Variants in ABCC1 observed in about 807,000 individuals in gnomAD.
The protein encoded by ABCC1 is multidrug resistance-associated protein 1.
Under a neutral mutation model 172.9 loss-of-function variants are expected in ABCC1, and 83 were observed. That is an observed-to-expected ratio of 0.48 (90% CI 0.40 to 0.58). The LOEUF (loss-of-function observed/expected upper bound fraction) is 0.58. Among genes scored for constraint, ABCC1 ranks in the 20% least tolerant of loss-of-function variants. The pLI, the probability that ABCC1 is intolerant of heterozygous loss-of-function variation, is 0.00. For synonymous variants in ABCC1, 937 were observed against 825.2 expected, an observed-to-expected ratio of 1.14 and a Z score of -2.32; for missense variants, 1,817 against 2,002.7, an observed-to-expected ratio of 0.91 and a Z score of 1.77.
At chr16:15,967,864 T>C (rs1457881481) in intron 1 of ABCC1, among the ~76,000 whole-genome samples, 4 of 152,032 alleles carry the variant, frequency 2.6e-5, no homozygotes, top group Non-Finnish European at 4.4e-5. Context: ...CATATACATA[T>C]TTTGGAAGTT....
At chr16:16,072,857 C>A (rs909192557) in intron 14 of ABCC1, among the ~76,000 whole-genome samples, 1 of 151,376 alleles carries the variant, frequency 6.6e-6, no homozygotes, top group Non-Finnish European at 1.5e-5. Flanking sequence ...GCCTGGCCAA[C>A]AAGGTGAAAC....
At chr16:16,106,978 A>C in intron 21 of ABCC1, 105 bp downstream of exon 21, 1 of 1,448,770 alleles carries the variant, frequency 6.9e-7, no homozygotes, top group Non-Finnish European at 9.4e-7. Flanking sequence ...TCACCTGTCC[A>C]TCACAACACA....
rs566146737 is a variant in ABCC1 at position 16,076,349 on chromosome 16, G to A, written c.1936G>A (p.Val646Met). 32 of 1,612,228 alleles carry A rather than the reference G, an allele frequency of 2.0e-5. No homozygotes were observed. Among genetic ancestry groups the A allele is most frequent in the South Asian group, 1.3e-4 (12 of 90,544 alleles). ...AGGCGGGGGCACGAACAGCATCACC[G>A]TGAGGAATGCCACATTCACCTGGGC... The part of the protein sequence containing the change: ...KDGGGTNSIT[V>M]RNATFTWARS... The change falls in exon 15 of 31, where the codon GTG (valine) becomes ATG (methionine). Residue 646 changes from valine (V) to methionine (M), a missense_variant. Coordinates refer to ENST00000399410, the MANE Select transcript of ABCC1 (RefSeq NM_004996.4).
chr16:16,134,338 T>C lies in ABCC1; in HGVS notation c.3967-12T>C. 2.5e-6 allele frequency: 4 copies of C among 1,613,996 alleles called. No homozygotes were observed. The highest frequency in any genetic ancestry group is 3.4e-6 in the Non-Finnish European group (4 of 1,180,010). ...AGCATTCCCACCACACCTGGGCCCT[T>C]CTGTCCTGCAGGTCGGCATCGTGGG... On this transcript the variant is annotated splice_polypyrimidine_tract_variant and intron_variant, in intron 27 of 30. Coordinates refer to ENST00000399410, the MANE Select transcript of ABCC1 (RefSeq NM_004996.4).
At chr16:16,098,949 C>T (rs2051605065) in intron 19 of ABCC1, 1 of 1,338,696 alleles carries the variant, frequency 7.5e-7, no homozygotes, top group Non-Finnish European at 9.9e-7. Flanking sequence ...AGAATGAGGC[C>T]AGAGACGGGC....
intron 2 of ABCC1, 25 bp downstream of exon 2, chr16:16,008,017 T>A: frequency 4.1e-6 from 2 of 482,702 alleles, no homozygotes; most frequent in Non-Finnish European, 7.5e-6. Context: ...GGTTTCGTTG[T>A]GGGGGGTGGG....
At chr16:15,986,364 G>T (rs1052319919) in intron 1 of ABCC1, among the ~76,000 whole-genome samples, 1 of 152,166 alleles carries the variant, frequency 6.6e-6, no homozygotes, top group Non-Finnish European at 1.5e-5. Context: ...AACCAGTAGC[G>T]AGCAGTCTGT....
intron 8 of ABCC1, 38 bp from the exon 9 acceptor site, chr16:16,045,798 C>G (rs755207444): frequency 5.2e-5 from 83 of 1,605,148 alleles, no homozygotes; most frequent in Non-Finnish European, 7.0e-5. Flanking sequence ...CCCCACGTGT[C>G]ACAAGTCATT....
chr16:16,126,884 C>T (rs961511064), intron 26 of ABCC1, among the ~76,000 whole-genome samples: 3 of 152,062 alleles, frequency 2.0e-5, no homozygotes, highest in Admixed American at 2.0e-4. Context: ...TTTGGGAAAC[C>T]CTGCCGTTAT....
intron 19 of ABCC1, among the ~76,000 whole-genome samples, chr16:16,095,985 C>T (rs2051458036): frequency 6.6e-6 from 1 of 151,974 alleles, no homozygotes; most frequent in South Asian, 2.1e-4. Context: ...TACAAAGAAT[C>T]AGGAAAAAAG....
chr16:16,089,213 G>GT (rs1299822589), intron 18 of ABCC1, among the ~76,000 whole-genome samples: 3 of 152,180 alleles, frequency 2.0e-5, no homozygotes, highest in Admixed American at 6.5e-5. Flanking sequence ...TTTTGTAGTG[G>GT]TTTTGGGGGT....
At chr16:16,013,501 C>G (rs2047876091) in intron 3 of ABCC1, among the ~76,000 whole-genome samples, 1 of 151,826 alleles carries the variant, frequency 6.6e-6, no homozygotes, top group South Asian at 2.1e-4. Flanking sequence ...AAACTCCTGA[C>G]CTGCCCGCCT....
At chr16:16,138,141 G>C (rs2045987391) in intron 29 of ABCC1, among the ~76,000 whole-genome samples, 3 of 152,134 alleles carry the variant, frequency 2.0e-5, no homozygotes, top group South Asian at 4.1e-4. Context: ...GTAGGTGTGA[G>C]CTGCTGTTTT....
intron 14 of ABCC1, among the ~76,000 whole-genome samples, chr16:16,073,599 C>T (rs2050438215): frequency 6.6e-6 from 1 of 152,102 alleles, no homozygotes; most frequent in South Asian, 2.1e-4. Context: ...CTCGTCTCTA[C>T]AAAAATTAAA....
chr16:16,132,241 G>A (rs533780181), intron 27 of ABCC1, among the ~76,000 whole-genome samples: 1 of 152,128 alleles, frequency 6.6e-6, no homozygotes, highest in Non-Finnish European at 1.5e-5. Context: ...CCAGGCTAGA[G>A]TGCAGTGGTG....
At chr16:16,043,220 C>CCGTTTTTTTTT (rs1437069469) in intron 7 of ABCC1, among the ~76,000 whole-genome samples, 1 of 93,172 alleles carries the variant, frequency 1.1e-5, no homozygotes, top group African/African-American at 6.0e-5. Flanking sequence ...GCTGGCTGGA[C>CCGTTTTTTTTT]TGTTTTTTTT....
At chr16:15,985,030 T>G (rs979851882) in intron 1 of ABCC1, among the ~76,000 whole-genome samples, 22 of 151,986 alleles carry the variant, frequency 1.4e-4, no homozygotes, top group Non-Finnish European at 2.8e-4. Flanking sequence ...TTGAGCCTGG[T>G]AGGTAGAGGC....
intron 6 of ABCC1, 132 bp downstream of exon 6, chr16:16,033,302 C>T: frequency 1.2e-6 from 1 of 862,522 alleles, no homozygotes; most frequent in Non-Finnish European, 1.9e-6. Flanking sequence ...TGTCTTGAAT[C>T]TGCCTGTGCT....
At chr16:16,105,951 A>G (rs1175053211) in intron 20 of ABCC1, among the ~76,000 whole-genome samples, 1 of 147,958 alleles carries the variant, frequency 6.8e-6, no homozygotes, top group African/African-American at 2.5e-5. Flanking sequence ...ATCACGGCTC[A>G]CTGCAATTTC....
Sources: gnomAD v4.1 joint callset for allele counts (sites outside exome capture counted in the v4.1 genomes callset) on GRCh38, gnomAD v4.1.1 for gene constraint, MANE v1.5 for transcripts, NCBI Gene and HGNC (gene_info 2026-07-23, HGNC 2026-07-21) for gene names.